Variants in SLC15A1 observed in about 807,000 individuals in gnomAD.
SLC15A1 encodes the protein solute carrier family 15 member 1.
Under a neutral mutation model 92.9 loss-of-function variants are expected in SLC15A1, and 83 were observed. That is an observed-to-expected ratio of 0.89 (90% confidence interval 0.75 to 1.07). The LOEUF is 1.07. SLC15A1 is among the 50% of genes least tolerant of loss of function. SLC15A1 has a pLI of 0.00. For missense variants in SLC15A1, 857 were observed against 880.1 expected (o/e 0.97, Z 0.33); for synonymous variants, 322 against 318.2 (o/e 1.01, Z -0.13).
intron 18 of SLC15A1, among the ~76,000 whole-genome samples, chr13:98,697,615 CTTT>C (rs11347963): frequency 2.4e-5 from 3 of 125,042 alleles, no homozygotes; most frequent in Admixed American, 8.4e-5. Context: ...CTGGCTGATG[CTTT>C]TTTTTTTTTT....
intron 7 of SLC15A1, chr13:98,721,070 CA>C (rs751475586): frequency 4.3e-6 from 2 of 464,320 alleles, no homozygotes; most frequent in African/African-American, 2.0e-5. Context: ...ACAAAACAAA[CA>C]AAAAATCAAT....
At chr13:98,740,235 A>G (rs2088432913) in intron 1 of SLC15A1, among the ~76,000 whole-genome samples, 1 of 152,226 alleles carries the variant, frequency 6.6e-6, no homozygotes, top group East Asian at 1.9e-4. Flanking sequence ...GAGCTGATGC[A>G]GAAACATGCC....
rs745545740 is a variant in SLC15A1 at position 98,702,550 on chromosome 13, G to A, written c.1417-21C>T. On this transcript the variant is annotated intron_variant, in intron 17 of 22. Transcript: ENST00000376503. The stretch of plus-strand genomic sequence containing the variant: ...TTTACCTGAGAGAGAAAACAGTAAT[G>A]TAAAAATATTTTCAAAATAATATTC... 1.7e-5 allele frequency: 26 copies of A among 1,573,612 alleles called. No individual in the cohort carries two copies. In the East Asian group the frequency reaches 3.1e-4, roughly 19 times the overall value.
At chr13:98,713,090 T>C (rs2088179454) in intron 9 of SLC15A1, among the ~76,000 whole-genome samples, 1 of 152,244 alleles carries the variant, frequency 6.6e-6, no homozygotes, top group Non-Finnish European at 1.5e-5. Context: ...AAGGTCTTGC[T>C]CTGTCGCCTA....
chr13:98,722,019 A>C, intron 5 of SLC15A1, 116 bp from the exon 6 acceptor site: 1 of 768,698 alleles, frequency 1.3e-6, no homozygotes, highest in South Asian at 2.4e-5. Flanking sequence ...AGAAGAAGAC[A>C]ATCTCGCGAG....
intron 1 of SLC15A1, among the ~76,000 whole-genome samples, chr13:98,743,807 A>G (rs951181920): frequency 6.6e-6 from 1 of 152,104 alleles, no homozygotes; most frequent in African/African-American, 2.4e-5. Context: ...CAGACTGCCG[A>G]GGGTAAATAA....
intron 8 of SLC15A1, among the ~76,000 whole-genome samples, chr13:98,716,954 G>A (rs1293458234): frequency 6.6e-6 from 1 of 152,192 alleles, no homozygotes; most frequent in Non-Finnish European, 1.5e-5. Context: ...GGAGGCCAAG[G>A]CAGGAGGATC....
chr13:98,693,054 C>T (rs1243242885), intron 18 of SLC15A1, among the ~76,000 whole-genome samples: 1 of 148,682 alleles, frequency 6.7e-6, no homozygotes, highest in African/African-American at 2.5e-5. Flanking sequence ...GTCCAGTTTA[C>T]CCGCATCCTT....
At chr13:98,708,638 A>C (rs2088134585) in intron 15 of SLC15A1, 48 bp downstream of exon 15, 5 of 1,508,532 alleles carry the variant, frequency 3.3e-6, no homozygotes, top group Non-Finnish European at 4.6e-6. Context: ...TGAACGCTCC[A>C]CCTAAATCCA....
chr13:98,712,354 C>G, intron 10 of SLC15A1, 144 bp downstream of exon 10: 1 of 634,834 alleles, frequency 1.6e-6, no homozygotes, highest in Non-Finnish European at 2.8e-6. Context: ...AAAATGCACT[C>G]ATGCATAGTT....
intron 21 of SLC15A1, among the ~76,000 whole-genome samples, 197 bp from the exon 22 acceptor site, chr13:98,686,494 T>G (rs2087930564): frequency 6.6e-6 from 1 of 152,220 alleles, no homozygotes; most frequent in African/African-American, 2.4e-5. Context: ...CAAGAATTCC[T>G]GTGTTTCACG....
chr13:98,719,066 G>A (rs534643634), intron 8 of SLC15A1, among the ~76,000 whole-genome samples, 171 bp downstream of exon 8: 1 of 152,278 alleles, frequency 6.6e-6, no homozygotes, highest in Non-Finnish European at 1.5e-5. Flanking sequence ...GAATTGATGT[G>A]CCAATCCTAC....
chr13:98,752,467 G>T, intron 1 of SLC15A1, 128 bp downstream of exon 1: 1 of 889,364 alleles, frequency 1.1e-6, no homozygotes, highest in Non-Finnish European at 1.5e-6. Flanking sequence ...CCCGGCCCCC[G>T]TGGGCCTTCG....
intron 1 of SLC15A1, among the ~76,000 whole-genome samples, chr13:98,737,020 G>A (rs2088400472): frequency 6.6e-6 from 1 of 152,132 alleles, no homozygotes. Context: ...TATAAATCAT[G>A]CTACTATAAA....
At chr13:98,726,774 C>A in intron 2 of SLC15A1, 69 bp downstream of exon 2, 1 of 1,465,774 alleles carries the variant, frequency 6.8e-7, no homozygotes, top group Non-Finnish European at 9.6e-7. Flanking sequence ...GTGAATGAAC[C>A]CTTAGGGGTA....
In SLC15A1 at chr13:98,719,318, G is replaced by T; in HGVS notation, c.559C>A (p.Gln187Lys). Residue 187 changes from glutamine (Q) to lysine (K), a missense_variant and splice_region_variant, in exon 8 of 23, where the codon CAA (glutamine) becomes AAA (lysine). By Grantham distance (53) the Gln-to-Lys change is moderately conservative (BLOSUM62 1). Transcript: ENST00000376503. ...STIITPMLRV[Q>K]QCGIHSKQAC... ...TGTTTACTGTGAATTCCACATTGTT[G>T]AACTGGGGAGAAATGACAAGATTAA... 1 of 1,610,868 alleles carries T rather than the reference G, an allele frequency of 6.2e-7. No individual in the cohort carries two copies. Among genetic ancestry groups the T allele is most frequent in the South Asian group, 1.1e-5 (1 of 90,958 alleles).
rs2088261208 is a variant in SLC15A1 at position 98,721,786 on chromosome 13, G to T, written c.465+18C>A. 1 of 1,608,950 alleles carries T rather than the reference G, an allele frequency of 6.2e-7. No homozygotes were observed. Among genetic ancestry groups the T allele is most frequent in the Admixed American group, 1.7e-5 (1 of 59,728 alleles). ...TGTAGTTCATTCACGTGGGCTCTGG[G>T]GAGGCCCCTACCCTTACCTGGCCCT... On this transcript the variant is annotated intron_variant, in intron 6 of 22. Transcript: ENST00000376503.
rs144769531 is a variant in SLC15A1, at chr13:98,721,832, A to G, written c.437T>C (p.Phe146Ser). 6.8e-6 allele frequency: 11 copies of G among 1,614,028 alleles called. No homozygotes were observed. The highest frequency in any genetic ancestry group is 1.7e-5 in the Admixed American group (1 of 59,994). Residue 146 changes from phenylalanine (F) to serine (S), a missense_variant, in exon 6 of 23, where the codon TTT becomes TCT. Phe to Ser is a radical substitution (Grantham distance 155). Coordinates refer to ENST00000376503, the MANE Select transcript of SLC15A1 (RefSeq NM_005073.4). Reference sequence around the variant, plus strand: ...GCCCTCTTCAAACTGATCTCCACCAAACGCAGACACACAGGGTTTGATTCC... The same window carrying G: ...GCCCTCTTCAAACTGATCTCCACCAGACGCAGACACACAGGGTTTGATTCC... ...TGGIKPCVSA[F>S]GGDQFEEGQE...
chr13:98,706,415 C>T (rs1300494233), intron 15 of SLC15A1, among the ~76,000 whole-genome samples, 162 bp from the exon 16 acceptor site: 6 of 152,176 alleles, frequency 3.9e-5, no homozygotes, highest in African/African-American at 1.4e-4. Context: ...CCTCGTGGCA[C>T]CCACAGAAAT....
Sources: gnomAD v4.1 joint callset for allele counts (sites outside exome capture counted in the v4.1 genomes callset) on GRCh38, gnomAD v4.1.1 for gene constraint, MANE v1.5 for transcripts, NCBI Gene and HGNC (gene_info 2026-07-23, HGNC 2026-07-21) for gene names.